Variants in SLC35F4 observed in about 807,000 individuals in gnomAD.
SLC35F4 encodes chromosome 14 open reading frame 36.
A neutral mutation model predicts 44.2 loss-of-function variants in SLC35F4; 24 were observed. The observed-to-expected ratio is 0.54, with a 90% CI of 0.39 to 0.76. The LOEUF is 0.76. Ranked by LOEUF, SLC35F4 falls within the 30% of genes least tolerant of loss-of-function variation. The pLI is 0.00. For synonymous variants in SLC35F4, 238 were observed against 223.6 expected, an observed-to-expected ratio of 1.06 and a Z score of -0.57; for missense variants, 562 against 586.1, an observed-to-expected ratio of 0.96 and a Z score of 0.42.
At chr14:57,583,395 T>G (rs2069441933) in intron 3 of SLC35F4, among the ~76,000 whole-genome samples, 1 of 152,234 alleles carries the variant, frequency 6.6e-6, no homozygotes, top group Non-Finnish European at 1.5e-5. Context: ...ACACATTTAT[T>G]AAGAACCACA....
At chr14:57,937,586 G>GAAAGAAAAGAAAAGAGAAGA (rs1889825750) in intron 1 of SLC35F4, among the ~76,000 whole-genome samples, 1 of 114,012 alleles carries the variant, frequency 8.8e-6, no homozygotes, top group South Asian at 3.2e-4. Flanking sequence ...GAAAAGAAAA[G>GAAAGAAAAGAAAAGAGAAGA]AAAGAAAAGA....
At chr14:57,793,871 C>T (rs1023687156) in intron 1 of SLC35F4, among the ~76,000 whole-genome samples, 2 of 151,930 alleles carry the variant, frequency 1.3e-5, no homozygotes, top group Admixed American at 1.3e-4. Context: ...TTCACATAGA[C>T]CAATAGAACA....
intron 1 of SLC35F4, among the ~76,000 whole-genome samples, chr14:57,790,866 C>CA (rs1283614927): frequency 2.0e-5 from 3 of 152,098 alleles, no homozygotes; most frequent in East Asian, 1.9e-4. Context: ...ACAAACCTGA[C>CA]AAAAAATGCA....
intron 1 of SLC35F4, among the ~76,000 whole-genome samples, chr14:57,693,906 C>T: frequency 6.6e-6 from 1 of 152,062 alleles, no homozygotes; most frequent in Non-Finnish European, 1.5e-5. Flanking sequence ...ATATATTTTC[C>T]CAAGAATTCT....
At chr14:57,880,062 AAGGAAGGAAGG>A (rs1888495192) in intron 1 of SLC35F4, among the ~76,000 whole-genome samples, 1 of 101,720 alleles carries the variant, frequency 9.8e-6, no homozygotes, top group East Asian at 4.4e-4. Flanking sequence ...GGAAGGAAGG[AAGGAAGGAAGG>A]AAGGAAGGAA....
intron 1 of SLC35F4, among the ~76,000 whole-genome samples, chr14:57,744,659 AT>A (rs2076707651): frequency 6.6e-6 from 1 of 152,208 alleles, no homozygotes; most frequent in African/African-American, 2.4e-5. Flanking sequence ...GTCCAAGGTA[AT>A]TTACAGATTC....
chr14:57,884,349 A>T (rs975546093), intron 1 of SLC35F4, among the ~76,000 whole-genome samples: 1 of 152,216 alleles, frequency 6.6e-6, no homozygotes, highest in African/African-American at 2.4e-5. Flanking sequence ...TTAGTTATAC[A>T]ATAAAAAATA....
chr14:57,967,461 T>C (rs943692714), intron 1 of SLC35F4, among the ~76,000 whole-genome samples: 1 of 152,226 alleles, frequency 6.6e-6, no homozygotes. Flanking sequence ...ATTTTTAACA[T>C]AAATAGTATC....
chr14:57,588,498 G>T (rs1370533613), intron 3 of SLC35F4, among the ~76,000 whole-genome samples: 1 of 152,098 alleles, frequency 6.6e-6, no homozygotes, highest in South Asian at 2.1e-4. Flanking sequence ...TGCCATGCAG[G>T]GCTGTGTGAC....
intron 1 of SLC35F4, among the ~76,000 whole-genome samples, chr14:57,969,947 G>A (rs1313834281): frequency 6.6e-6 from 1 of 152,100 alleles, no homozygotes; most frequent in African/African-American, 2.4e-5. Flanking sequence ...CACACTAAGT[G>A]CTTATCCCAA....
intron 1 of SLC35F4, among the ~76,000 whole-genome samples, chr14:57,650,339 C>T (rs1271792659): frequency 6.6e-6 from 1 of 152,098 alleles, no homozygotes; most frequent in South Asian, 2.1e-4. Context: ...ATGTTTCAAG[C>T]AGAAATTGTT....
chr14:57,922,865 G>A (rs1218757084), intron 1 of SLC35F4, among the ~76,000 whole-genome samples: 5 of 152,156 alleles, frequency 3.3e-5, no homozygotes, highest in African/African-American at 9.7e-5. Context: ...TCTGAGTGCT[G>A]GGATTAGTAA....
At chr14:57,742,567 A>G (rs2076640156) in intron 1 of SLC35F4, among the ~76,000 whole-genome samples, 2 of 152,226 alleles carry the variant, frequency 1.3e-5, no homozygotes, top group Non-Finnish European at 1.5e-5. Flanking sequence ...ACCCAGATTC[A>G]TAAAGCAAGT....
In SLC35F4 at chr14:57,589,298, A is replaced by G; in HGVS notation, c.505T>C (p.Trp169Arg). 1 of 1,614,040 alleles carries G rather than the reference A, an allele frequency of 6.2e-7. No individual in the cohort carries two copies. The highest frequency in any genetic ancestry group is 2.2e-5 in the East Asian group (1 of 44,878). ...TAGACTGGGAAAAACATAATGTTCC[A>G]GTTTGTTGAAAACCAAGTCATGAAA... ...PFFMTWFSTNWNIMFFPVYYS... is the reference protein window; with the variant it reads ...PFFMTWFSTNRNIMFFPVYYS... The change falls in exon 3 of 8, where the codon TGG becomes CGG. Residue 169 changes from tryptophan (W) to arginine (R), a missense_variant. Trp to Arg is a moderately radical substitution (Grantham distance 101). Transcript: ENST00000556826.
At chr14:57,860,457 C>T (rs1403851038) in intron 1 of SLC35F4, among the ~76,000 whole-genome samples, 2 of 152,180 alleles carry the variant, frequency 1.3e-5, no homozygotes, top group Non-Finnish European at 2.9e-5. Context: ...TGACCTACTG[C>T]ATGGCTGTTC....
intron 1 of SLC35F4, among the ~76,000 whole-genome samples, chr14:57,817,930 A>G (rs1451585922): frequency 6.6e-6 from 1 of 152,142 alleles, no homozygotes; most frequent in Non-Finnish European, 1.5e-5. Flanking sequence ...GAAGGGTCCA[A>G]GGATAGTCAC....
At chr14:57,853,528 G>T (rs929566335) in intron 1 of SLC35F4, among the ~76,000 whole-genome samples, 1 of 152,084 alleles carries the variant, frequency 6.6e-6, no homozygotes, top group East Asian at 1.9e-4. Flanking sequence ...GCTCCAAACC[G>T]CCACCATCAA....
chr14:57,788,657 T>C (rs2140788844), intron 1 of SLC35F4, among the ~76,000 whole-genome samples: 1 of 151,828 alleles, frequency 6.6e-6, no homozygotes, highest in African/African-American at 2.4e-5. Flanking sequence ...TAATTTGCTG[T>C]TGTGGATCTA....
At chr14:57,582,365 T>C (rs906429860) in intron 3 of SLC35F4, among the ~76,000 whole-genome samples, 1 of 152,134 alleles carries the variant, frequency 6.6e-6, no homozygotes, top group Admixed American at 6.5e-5. Flanking sequence ...CAGGCTAGTT[T>C]TTGAAATTTT....
Sources: gnomAD v4.1 joint callset for allele counts (sites outside exome capture counted in the v4.1 genomes callset) on GRCh38, gnomAD v4.1.1 for gene constraint, MANE v1.5 for transcripts, NCBI Gene and HGNC (gene_info 2026-07-23, HGNC 2026-07-21) for gene names.